The following NCOA3 variants were observed in gnomAD, a reference collection of about 807,000 sequenced individuals.
NCOA3 encodes nuclear receptor coactivator 3.
Under a neutral mutation model 158.8 loss-of-function variants are expected in NCOA3, and 51 were observed. The observed-to-expected ratio is 0.32, with a 90% CI of 0.26 to 0.41. The LOEUF (loss-of-function observed/expected upper bound fraction) is 0.41. Among genes scored for constraint, NCOA3 ranks in the 10% least tolerant of loss-of-function variants. The pLI, the probability that NCOA3 is intolerant of heterozygous loss-of-function variation, is 1.00. For synonymous variants in NCOA3, 537 were observed against 592.4 expected, an observed-to-expected ratio of 0.91 and a Z score of 1.36; for missense variants, 1,510 against 1,746.6, an observed-to-expected ratio of 0.86 and a Z score of 2.41.
chr20:47,553,585 T>A (rs1299940498), intron 1 of NCOA3, among the ~76,000 whole-genome samples: 167 of 133,260 alleles, frequency 1.3e-3, no homozygotes, highest in Non-Finnish European at 2.0e-3. Flanking sequence ...TGTGTGATGT[T>A]CCCCTTCCTG....
chr20:47,507,867 C>T (rs1053869910), intron 1 of NCOA3, among the ~76,000 whole-genome samples: 1 of 152,132 alleles, frequency 6.6e-6, no homozygotes, highest in South Asian at 2.1e-4. Flanking sequence ...GATCTGCCCG[C>T]GTCGGCCTCC....
intron 2 of NCOA3, among the ~76,000 whole-genome samples, chr20:47,586,339 T>C (rs1438650572): frequency 6.6e-6 from 1 of 152,166 alleles, no homozygotes; most frequent in Non-Finnish European, 1.5e-5. Flanking sequence ...TTATTTGTAT[T>C]TGTGCTGTCC....
Position 47,637,792 on chromosome 20 carries a change from G to A in NCOA3, c.2512+9G>A. The A allele has an allele frequency of 6.4e-7, 1 of 1,567,222 alleles. No individual in the cohort carries two copies. The stretch of plus-strand genomic sequence containing the variant: ...AGGAACTAATTCTCTGGGTAAGAAT[G>A]AACTAGGTTTTTTTTTTTTTTGCTG... On this transcript the variant is annotated intron_variant, in intron 13 of 22. Transcript: ENST00000371998.
At chr20:47,591,699 T>A (rs2085643143) in intron 2 of NCOA3, among the ~76,000 whole-genome samples, 1 of 152,220 alleles carries the variant, frequency 6.6e-6, no homozygotes, top group South Asian at 2.1e-4. Flanking sequence ...TTGATTTTTT[T>A]ATTTCAGCAC....
At chr20:47,651,305 C>G in intron 20 of NCOA3, 29 bp downstream of exon 20, 1 of 1,578,558 alleles carries the variant, frequency 6.3e-7, no homozygotes, top group South Asian at 1.2e-5. Flanking sequence ...ATGTGCCTTC[C>G]CCAAGTTAAC....
chr20:47,593,564 C>G (rs979234752), intron 2 of NCOA3, among the ~76,000 whole-genome samples: 1 of 150,114 alleles, frequency 6.7e-6, no homozygotes, highest in Admixed American at 6.6e-5. Context: ...AGGATGGTCT[C>G]GATCTCCTGA....
At position 47,586,182 on chromosome 20, in the gene NCOA3, G is replaced by A. The variant is rs983955220; in HGVS notation, c.-20+2921G>A. Among the ~76,000 whole-genome samples the A allele has an allele frequency of 6.6e-5, 10 of 152,114 alleles. 1 individual carries two copies. The highest frequency in any genetic ancestry group is 2.9e-5 in the Non-Finnish European group (2 of 68,018). ...GATCTACCTGCCTCGGCCTCCCAAAGTGCTGGGGTTACAGGTGTGAACCAC... is the reference window on the plus strand; with the variant it reads ...GATCTACCTGCCTCGGCCTCCCAAAATGCTGGGGTTACAGGTGTGAACCAC... On this transcript the variant is annotated intron_variant, in intron 2 of 22. Coordinates refer to ENST00000371998, the MANE Select transcript of NCOA3 (RefSeq NM_181659.3).
Position 47,637,744 on chromosome 20 carries a change from G to T in NCOA3, c.2473G>T (p.Gly825Trp). The T allele has an allele frequency of 6.2e-7, 1 of 1,611,194 alleles. No individual in the cohort carries two copies. Among genetic ancestry groups the T allele is most frequent in the Non-Finnish European group, 8.5e-7 (1 of 1,178,922 alleles). ...NSISSNGSHL[G>W]TKQQVFQGTN... ...CATATCCTCAAATGGTAGTCATCTGGGGACTAAGCAACAGGTGTTTCAAGG... is the reference window on the plus strand; with the variant it reads ...CATATCCTCAAATGGTAGTCATCTGTGGACTAAGCAACAGGTGTTTCAAGG... The change falls in exon 13 of 23, where the codon GGG (glycine) becomes TGG (tryptophan). Residue 825 changes from glycine (G) to tryptophan (W), a missense_variant. Transcript: ENST00000371998.
Position 47,553,694 on chromosome 20 carries a change from C to T in NCOA3, c.-98-29489C>T, listed in dbSNP as rs2084958147. The stretch of plus-strand genomic sequence containing the variant: ...ATAGTTTGTTGAGAATGATGGTTTC[C>T]AGCTTCATTCATGTCCCTACAAAGG... On this transcript the variant is annotated intron_variant, in intron 1 of 22. Coordinates refer to ENST00000371998, the MANE Select transcript of NCOA3 (RefSeq NM_181659.3). Among the ~76,000 whole-genome samples, 3 of 151,884 alleles carry T rather than the reference C, an allele frequency of 2.0e-5. No individual in the cohort carries two copies. The South Asian group carries it at 6.2e-4, about 32-fold the overall frequency.
At chr20:47,606,005 C>T (rs1358627511) in intron 2 of NCOA3, among the ~76,000 whole-genome samples, 1 of 152,070 alleles carries the variant, frequency 6.6e-6, no homozygotes, top group Non-Finnish European at 1.5e-5. Flanking sequence ...TTACCACCAC[C>T]CCTGACTAAT....
At chr20:47,512,902 A>T (rs2084169854) in intron 1 of NCOA3, among the ~76,000 whole-genome samples, 1 of 152,190 alleles carries the variant, frequency 6.6e-6, no homozygotes, top group South Asian at 2.1e-4. Context: ...TCAAGCCTGT[A>T]ATCCCAGCAC....
Position 47,639,429 on chromosome 20 carries a change from A to C in NCOA3, c.2708-148A>C, listed in dbSNP as rs1001118721. 1.2e-5 allele frequency: 14 copies of C among 1,133,350 alleles called. No homozygotes were observed. In the African/African-American group the frequency reaches 2.0e-4, roughly 16 times the overall value. 70.2% of individuals were successfully genotyped at this position (1,133,350 alleles called of 1,614,324 possible). A position where few individuals can be genotyped will look rare whatever the true frequency, so the allele number is the denominator to read the frequency against. ...GTTGAATATATGAGAATAGTGGCCT[A>C]TGTCTCCACAGTTGGCCAGCCCTTT... On this transcript the variant is annotated intron_variant, in intron 14 of 22. Transcript: ENST00000371998.
intron 1 of NCOA3, among the ~76,000 whole-genome samples, chr20:47,519,771 A>G (rs987807105): frequency 1.3e-5 from 2 of 149,886 alleles, no homozygotes; most frequent in South Asian, 4.2e-4. Flanking sequence ...TCCACAGAAA[A>G]TTTTTTTTTT....
rs377652350 is a variant in NCOA3 at position 47,636,040 on chromosome 20, C to T, written c.1654C>T (p.Pro552Ser). 17 of 1,614,002 alleles carry T rather than the reference C, an allele frequency of 1.1e-5. No homozygotes were observed. The African/African-American group carries it at 2.0e-4, about 19-fold the overall frequency. The change falls in exon 12 of 23, where the codon CCC (proline) becomes TCC (serine). Residue 552 changes from proline to serine, a missense_variant. By Grantham distance (74) the Pro-to-Ser change is moderately conservative (BLOSUM62 -1). Transcript: ENST00000371998. ...SSPGPKLDNS[P>S]NMNITQPSKV... ...ACCAGGCCCCAAATTGGATAACTCT[C>T]CCAATATGAATATTACCCAACCAAG...
chr20:47,585,094 C>T (rs565270525), intron 2 of NCOA3, among the ~76,000 whole-genome samples: 3 of 143,898 alleles, frequency 2.1e-5, no homozygotes, highest in Non-Finnish European at 3.0e-5. Flanking sequence ...CTCTGTCACC[C>T]AGGCTGGAGT....
At chr20:47,644,199 G>T (rs1483770811) in intron 17 of NCOA3, among the ~76,000 whole-genome samples, 1 of 151,830 alleles carries the variant, frequency 6.6e-6, no homozygotes, top group Non-Finnish European at 1.5e-5. Flanking sequence ...GAGTGCAGTG[G>T]CGTGATCTTG....
intron 1 of NCOA3, among the ~76,000 whole-genome samples, chr20:47,514,085 G>T (rs1243781787): frequency 6.6e-6 from 1 of 151,986 alleles, no homozygotes. Flanking sequence ...GATCTGATGT[G>T]TACCTGTAAT....
At chr20:47,652,295 T>C in intron 20 of NCOA3, 111 bp from the exon 21 acceptor site, 1 of 831,200 alleles carries the variant, frequency 1.2e-6, no homozygotes. Context: ...CACTTATCAC[T>C]TCCCTCCACC....
intron 1 of NCOA3, among the ~76,000 whole-genome samples, chr20:47,527,736 C>T (rs960932617): frequency 2.6e-5 from 4 of 152,114 alleles, no homozygotes; most frequent in Admixed American, 2.6e-4. Flanking sequence ...TTCTCACCAG[C>T]AGTATAGCCA....
Sources: allele counts gnomAD v4.1 joint callset (sites outside exome capture counted in the v4.1 genomes callset), GRCh38; gene constraint gnomAD v4.1.1; transcripts MANE v1.5; gene names NCBI Gene and HGNC (gene_info 2026-07-23, HGNC 2026-07-21).